The following FHIT variants were observed in gnomAD, a reference collection of about 807,000 sequenced individuals.
The protein encoded by FHIT is bis(5'-adenosyl)-triphosphatase.
FHIT carries 19 observed loss-of-function variants against 17.9 expected under a neutral mutation model. That is an observed-to-expected ratio of 1.06 (90% CI 0.74 to 1.56). The LOEUF is 1.56. FHIT is among the 40% of genes most tolerant of loss of function. The pLI, the probability that FHIT is intolerant of heterozygous loss-of-function variation, is 0.00. For synonymous variants in FHIT, 81 were observed against 69.7 expected (o/e 1.16, Z -0.81); for missense variants, 248 against 189.2 (o/e 1.31, Z -1.82).
At chr3:60,519,079 A>C (rs1423314172) in intron 5 of FHIT, among the ~76,000 whole-genome samples, 1 of 152,248 alleles carries the variant, frequency 6.6e-6, no homozygotes, top group Non-Finnish European at 1.5e-5. Flanking sequence ...ATCATGTTAT[A>C]AAGTGTTTCT....
At chr3:60,614,912 C>G (rs1252802700) in intron 4 of FHIT, among the ~76,000 whole-genome samples, 2 of 146,618 alleles carry the variant, frequency 1.4e-5, no homozygotes, top group African/African-American at 5.0e-5. Flanking sequence ...TCACTACAAC[C>G]TCCGCCTCCC....
At position 60,561,398 on chromosome 3, in the gene FHIT, A is replaced by G. The variant is rs114999851; in HGVS notation, c.-17-24419T>C. ...AAGCCAGTTACAACCAAGTTATAGA[A>G]GTGGAGTCCTTACAAGTCGCTATTG... is the stretch of plus-strand genomic sequence containing the variant. On this transcript the variant is annotated intron_variant, in intron 4 of 9. Transcript: ENST00000492590. 3.0e-3 allele frequency among the ~76,000 whole-genome samples: 458 copies of G among 152,208 alleles called. 3 individuals carry two copies. The highest frequency in any genetic ancestry group is 0.011 in the African/African-American group (440 of 41,532).
chr3:60,486,604 G>A (rs1324293644), intron 5 of FHIT, among the ~76,000 whole-genome samples: 1 of 152,084 alleles, frequency 6.6e-6, no homozygotes, highest in African/African-American at 2.4e-5. Context: ...AGAAGGGCAG[G>A]CTCTGATGTC....
intron 4 of FHIT, among the ~76,000 whole-genome samples, chr3:60,787,462 G>A (rs1358211404): frequency 6.6e-5 from 10 of 152,170 alleles, no homozygotes; most frequent in African/African-American, 2.4e-4. Context: ...TTGTAATTAG[G>A]TAATTATTTG....
chr3:60,624,035 G>A (rs1388846135), intron 4 of FHIT, among the ~76,000 whole-genome samples: 7 of 152,196 alleles, frequency 4.6e-5, no homozygotes, highest in Non-Finnish European at 7.3e-5. Context: ...GTAATACAGA[G>A]AAAAACAGAA....
chr3:60,357,248 C>T (rs768758212), intron 5 of FHIT, among the ~76,000 whole-genome samples: 4 of 152,150 alleles, frequency 2.6e-5, no homozygotes, highest in South Asian at 4.2e-4. Context: ...TTCTGTGTCG[C>T]GCAGGCTGGT....
chr3:60,388,890 T>C (rs1701118106), intron 5 of FHIT, among the ~76,000 whole-genome samples: 1 of 152,128 alleles, frequency 6.6e-6, no homozygotes, highest in Non-Finnish European at 1.5e-5. Flanking sequence ...CTCGTAAAGT[T>C]AGCACAGTGG....
intron 4 of FHIT, among the ~76,000 whole-genome samples, chr3:60,551,398 A>G (rs2036541990): frequency 7.3e-6 from 1 of 137,242 alleles, no homozygotes; most frequent in Non-Finnish European, 1.5e-5. Context: ...AAGCAGAAGG[A>G]TCCCTTAAGA....
chr3:60,478,205 G>A (rs951425301), intron 5 of FHIT, among the ~76,000 whole-genome samples: 1 of 152,138 alleles, frequency 6.6e-6, no homozygotes, highest in African/African-American at 2.4e-5. Context: ...ACTTACAGAT[G>A]AAGAAATGAG....
intron 5 of FHIT, among the ~76,000 whole-genome samples, chr3:60,128,147 C>T (rs903449963): frequency 6.6e-6 from 1 of 152,130 alleles, no homozygotes; most frequent in Non-Finnish European, 1.5e-5. Flanking sequence ...AGTTTTACTT[C>T]AATAAGTGAA....
chr3:60,325,617 G>A (rs761217110), intron 5 of FHIT, among the ~76,000 whole-genome samples: 1 of 152,058 alleles, frequency 6.6e-6, no homozygotes, highest in Non-Finnish European at 1.5e-5. Flanking sequence ...AATCTAACAG[G>A]TTTTAGTGAA....
At chr3:59,810,322 G>C (rs1005117086) in intron 8 of FHIT, among the ~76,000 whole-genome samples, 1 of 152,162 alleles carries the variant, frequency 6.6e-6, no homozygotes, top group Non-Finnish European at 1.5e-5. Flanking sequence ...CCTGGTGAGA[G>C]ACCAATGGGG....
intron 3 of FHIT, among the ~76,000 whole-genome samples, chr3:60,834,724 C>G (rs1168819038): frequency 6.6e-6 from 1 of 151,848 alleles, no homozygotes; most frequent in Non-Finnish European, 1.5e-5. Context: ...ACTTAGCCAG[C>G]CACAGTGGCA....
At chr3:60,596,530 A>G (rs1373919546) in intron 4 of FHIT, among the ~76,000 whole-genome samples, 1 of 152,260 alleles carries the variant, frequency 6.6e-6, no homozygotes, top group South Asian at 2.1e-4. Flanking sequence ...CTGGATCTCC[A>G]AAACAGACAA....
chr3:59,794,431 C>G (rs1019636147), intron 8 of FHIT, among the ~76,000 whole-genome samples: 8 of 152,190 alleles, frequency 5.3e-5, no homozygotes, highest in Non-Finnish European at 8.8e-5. Context: ...GTGGGTTTTC[C>G]TCCATTGCTA....
rs1559583589 is a variant in FHIT, at chr3:60,614,824, TTTTTTTGTTTTTTTTTTG to T, written c.-17-77863_-17-77846del. ...TGCAAAAGTTGTTTTTTTTTTGTTT[TTTTTTTGTTTTTTTTTTG>T]TTTTTTGAGATGGAGCCCTGCTCTG... On this transcript the variant is annotated intron_variant, in intron 4 of 9. Coordinates refer to ENST00000492590, the MANE Select transcript of FHIT (RefSeq NM_002012.4). 8.8e-4 allele frequency among the ~76,000 whole-genome samples: 76 copies of T among 85,994 alleles called. 11 individuals carry two copies. The highest frequency in any genetic ancestry group is 2.0e-3 in the Non-Finnish European group (65 of 32,196). The allele number at this position is 85,994 out of a possible 152,430, so 56.4% of individuals were successfully genotyped here.
intron 3 of FHIT, among the ~76,000 whole-genome samples, chr3:60,894,095 C>T (rs1285375198): frequency 6.6e-6 from 1 of 152,110 alleles, no homozygotes; most frequent in Non-Finnish European, 1.5e-5. Flanking sequence ...ATTTAGCATG[C>T]TTTTTATTGT....
intron 3 of FHIT, among the ~76,000 whole-genome samples, chr3:60,915,034 C>T (rs992187012): frequency 1.2e-4 from 18 of 152,182 alleles, no homozygotes; most frequent in African/African-American, 4.3e-4. Context: ...GTTCATACAC[C>T]TCAATGTTCC....
chr3:59,877,470 A>T (rs1243999909), intron 8 of FHIT, among the ~76,000 whole-genome samples: 1 of 152,168 alleles, frequency 6.6e-6, no homozygotes, highest in Non-Finnish European at 1.5e-5. Flanking sequence ...AACAAGCAGG[A>T]AGGCCCAGAG....
Sources: gnomAD v4.1 joint callset for allele counts (sites outside exome capture counted in the v4.1 genomes callset) on GRCh38, gnomAD v4.1.1 for gene constraint, MANE v1.5 for transcripts, NCBI Gene and HGNC (gene_info 2026-07-23, HGNC 2026-07-21) for gene names.